CNTNAP2: variants seen among roughly 807,000 people sequenced by gnomAD.
CNTNAP2 encodes contactin-associated protein-like 2.
CNTNAP2 carries 98 observed loss-of-function variants against 155.2 expected under a neutral mutation model. The ratio of observed to expected loss-of-function variants is 0.63; its 90% CI spans 0.54 to 0.75. The LOEUF is 0.75. Ranked by LOEUF, CNTNAP2 falls within the 30% of genes least tolerant of loss-of-function variation. CNTNAP2 has a pLI of 0.00. For synonymous variants in CNTNAP2, 651 were observed against 631.2 expected (o/e 1.03, Z -0.47); for missense variants, 1,727 against 1,688.1 (o/e 1.02, Z -0.40).
At chr7:147,522,874 C>T (rs1007107246) in intron 11 of CNTNAP2, among the ~76,000 whole-genome samples, 1 of 150,990 alleles carries the variant, frequency 6.6e-6, no homozygotes, top group Non-Finnish European at 1.5e-5. Context: ...CCTGGGAATA[C>T]AATATATTTG....
intron 1 of CNTNAP2, among the ~76,000 whole-genome samples, chr7:146,227,325 T>G (rs1182439182): frequency 4.7e-5 from 7 of 148,476 alleles, no homozygotes; most frequent in African/African-American, 1.5e-4. Context: ...CTGGGGAGGC[T>G]GAGACAGCAG....
In CNTNAP2 at chr7:147,225,866, GGAAGGAGGGAAA is replaced by G. The variant is rs1307181353; in HGVS notation, c.1349-74268_1349-74257del. Among the ~76,000 whole-genome samples the G allele has an allele frequency of 5.3e-4, 57 of 107,516 alleles. No homozygotes were observed. The South Asian group carries it at 5.6e-3, about 11-fold the overall frequency. 70.5% of individuals were successfully genotyped at this position (107,516 alleles called of 152,430 possible). On this transcript the variant is annotated intron_variant, in intron 8 of 23. Coordinates refer to ENST00000361727, the MANE Select transcript of CNTNAP2 (RefSeq NM_014141.6). ...GGGAAAGAAGGAAGGAGGGAAAGAA[GGAAGGAGGGAAA>G]GAAGGAAGGAAGGAAGGAAGGAAGG...
In CNTNAP2 at chr7:146,240,234, C is replaced by T. The variant is rs113747099; in HGVS notation, c.97+123261C>T. Among the ~76,000 whole-genome samples the T allele has an allele frequency of 9.1e-3, 1,387 of 152,222 alleles. 24 individuals carry two copies. The highest frequency in any genetic ancestry group is 0.031 in the African/African-American group (1,300 of 41,548). On this transcript the variant is annotated intron_variant, in intron 1 of 23. Transcript: ENST00000361727. Reference sequence around the variant, plus strand: ...CTAGGTTAACTGGATAACAGTGCATCGACCTCTATTTTACTTATAGTAGAA... The same window carrying T: ...CTAGGTTAACTGGATAACAGTGCATTGACCTCTATTTTACTTATAGTAGAA...
intron 1 of CNTNAP2, among the ~76,000 whole-genome samples, chr7:146,164,348 A>C (rs892166847): frequency 1.3e-5 from 2 of 152,130 alleles, no homozygotes; most frequent in Non-Finnish European, 2.9e-5. Flanking sequence ...TCCTGAAGAG[A>C]TGAATTACTG....
chr7:147,830,458 G>C (rs556434877), intron 13 of CNTNAP2, among the ~76,000 whole-genome samples: 1 of 152,254 alleles, frequency 6.6e-6, no homozygotes, highest in Non-Finnish European at 1.5e-5. Flanking sequence ...CACTTTGGGT[G>C]TTAAGATTTC....
chr7:146,257,004 T>C (rs1211876035), intron 1 of CNTNAP2, among the ~76,000 whole-genome samples: 2 of 152,228 alleles, frequency 1.3e-5, no homozygotes, highest in Non-Finnish European at 2.9e-5. Flanking sequence ...TTTCAAAGCA[T>C]ACATTTGGTT....
At chr7:146,888,114 T>C (rs888784680) in intron 3 of CNTNAP2, among the ~76,000 whole-genome samples, 4 of 152,140 alleles carry the variant, frequency 2.6e-5, no homozygotes, top group Admixed American at 1.3e-4. Flanking sequence ...TGTGTTTTTT[T>C]CCCTCTTCTT....
intron 18 of CNTNAP2, among the ~76,000 whole-genome samples, chr7:148,197,322 G>C (rs1334966458): frequency 2.6e-5 from 4 of 152,094 alleles, no homozygotes; most frequent in Admixed American, 2.6e-4. Flanking sequence ...TCCACATATA[G>C]ATGATTCCGT....
At chr7:146,459,696 C>T (rs184595726) in intron 1 of CNTNAP2, among the ~76,000 whole-genome samples, 141 of 152,220 alleles carry the variant, frequency 9.3e-4, no homozygotes, top group African/African-American at 2.8e-3. Context: ...ACTGGACAAG[C>T]GCGGTGCCTC....
intron 1 of CNTNAP2, among the ~76,000 whole-genome samples, chr7:146,658,651 G>C (rs1355175545): frequency 2.0e-5 from 3 of 152,148 alleles, no homozygotes. Context: ...AGGCTAAAGG[G>C]AGATATGATG....
chr7:146,275,032 C>T (rs1269414182), intron 1 of CNTNAP2, among the ~76,000 whole-genome samples: 1 of 152,082 alleles, frequency 6.6e-6, no homozygotes, highest in African/African-American at 2.4e-5. Flanking sequence ...AGTTTTAAAT[C>T]CCAGGCTTTC....
chr7:146,222,774 G>A (rs1332983323), intron 1 of CNTNAP2, among the ~76,000 whole-genome samples: 2 of 151,172 alleles, frequency 1.3e-5, no homozygotes, highest in East Asian at 3.9e-4. Context: ...TTCTGCCTCA[G>A]CCTCCCAAGT....
intron 4 of CNTNAP2, among the ~76,000 whole-genome samples, chr7:147,049,489 A>G (rs1799430277): frequency 6.6e-6 from 1 of 152,012 alleles, no homozygotes; most frequent in South Asian, 2.1e-4. Flanking sequence ...TGTTGTCTCA[A>G]GAGCTTTCTT....
At chr7:146,840,577 A>G (rs1377885075) in intron 3 of CNTNAP2, among the ~76,000 whole-genome samples, 3 of 152,138 alleles carry the variant, frequency 2.0e-5, no homozygotes, top group Non-Finnish European at 4.4e-5. Flanking sequence ...TGTCATCAAT[A>G]TTAAACCAGA....
intron 20 of CNTNAP2, among the ~76,000 whole-genome samples, chr7:148,259,355 CA>C (rs1211859755): frequency 4.3e-3 from 542 of 124,802 alleles, no homozygotes; most frequent in Middle Eastern, 7.8e-3. Flanking sequence ...GACCCTGCCT[CA>C]AAAAAAAAAA....
At chr7:148,197,748 G>C (rs1053597494) in intron 18 of CNTNAP2, among the ~76,000 whole-genome samples, 2 of 152,142 alleles carry the variant, frequency 1.3e-5, no homozygotes, top group Non-Finnish European at 2.9e-5. Context: ...TCTATCAGCC[G>C]ATCATCATCG....
intron 15 of CNTNAP2, among the ~76,000 whole-genome samples, chr7:147,980,933 C>CAA (rs34927518): frequency 3.1e-3 from 287 of 93,966 alleles, no homozygotes; most frequent in Middle Eastern, 7.6e-3. Flanking sequence ...TCCATCTTAA[C>CAA]AAAAAAAAAA....
intron 10 of CNTNAP2, among the ~76,000 whole-genome samples, chr7:147,445,161 T>C (rs1025186419): frequency 6.6e-6 from 1 of 152,104 alleles, no homozygotes; most frequent in African/African-American, 2.4e-5. Flanking sequence ...TCAAACCATA[T>C]CAGATGACTA....
At chr7:147,173,917 T>C (rs1014245993) in intron 8 of CNTNAP2, among the ~76,000 whole-genome samples, 13 of 152,094 alleles carry the variant, frequency 8.5e-5, no homozygotes, top group African/African-American at 3.1e-4. Flanking sequence ...AAAATTTGTT[T>C]TGAGTACAAT....
Sources: gnomAD v4.1 joint callset for allele counts (sites outside exome capture counted in the v4.1 genomes callset) on GRCh38, gnomAD v4.1.1 for gene constraint, MANE v1.5 for transcripts, NCBI Gene and HGNC (gene_info 2026-07-23, HGNC 2026-07-21) for gene names.